The following EPHA7 variants were observed in gnomAD, a reference collection of about 807,000 sequenced individuals.
EPHA7 encodes ephrin type-A receptor 7.
Under a neutral mutation model 112.6 loss-of-function variants are expected in EPHA7, and 25 were observed. That is an observed-to-expected ratio of 0.22 (90% CI 0.16 to 0.31). The LOEUF (loss-of-function observed/expected upper bound fraction) is 0.31, where lower values mean the gene tolerates loss of function less well. EPHA7 is among the 10% of genes least tolerant of loss of function. The pLI, the probability that EPHA7 is intolerant of heterozygous loss-of-function variation, is 1.00. For synonymous variants in EPHA7, 437 were observed against 406.5 expected (o/e 1.07, Z -0.90); for missense variants, 962 against 1,212.6 (o/e 0.79, Z 3.07).
chr6:93,245,967 A>G (rs1769926888), intron 15 of EPHA7, among the ~76,000 whole-genome samples: 1 of 152,188 alleles, frequency 6.6e-6, no homozygotes, highest in Admixed American at 6.5e-5. Context: ...ATTAACATGC[A>G]TTACAATCAA....
chr6:93,387,924 CAGATAGATAGATAGATAGATAGAT>C (rs200554873), intron 3 of EPHA7, among the ~76,000 whole-genome samples: 2 of 145,566 alleles, frequency 1.4e-5, no homozygotes, highest in Non-Finnish European at 3.0e-5. Context: ...GATAGATAGA[CAGATAGATAGATAGATAGATAGAT>C]AGATAGATAG....
intron 1 of EPHA7, among the ~76,000 whole-genome samples, chr6:93,417,550 C>A (rs1779301757): frequency 6.6e-6 from 1 of 152,356 alleles, no homozygotes; most frequent in South Asian, 2.1e-4. Context: ...ATTCTGGCTG[C>A]AGGAACCTCT....
intron 3 of EPHA7, among the ~76,000 whole-genome samples, chr6:93,370,841 G>C (rs1045584669): frequency 1.3e-5 from 2 of 152,010 alleles, no homozygotes; most frequent in African/African-American, 4.8e-5. Flanking sequence ...AATATTCAGA[G>C]TGAACTCAGA....
chr6:93,300,725 T>C (rs1772937213), intron 5 of EPHA7, among the ~76,000 whole-genome samples: 1 of 152,228 alleles, frequency 6.6e-6, no homozygotes, highest in African/African-American at 2.4e-5. Context: ...AGGGGAATAT[T>C]GTTTAATTTG....
At chr6:93,245,258 T>C in intron 16 of EPHA7, 40 bp downstream of exon 16, 1 of 1,569,346 alleles carries the variant, frequency 6.4e-7, no homozygotes, top group Non-Finnish European at 8.7e-7. Flanking sequence ...AGATTGTACC[T>C]AATAAATCCT....
chr6:93,370,266 T>G (rs1210636349), intron 3 of EPHA7, among the ~76,000 whole-genome samples: 2 of 152,084 alleles, frequency 1.3e-5, no homozygotes, highest in Non-Finnish European at 2.9e-5. Flanking sequence ...AGGCAAAAAT[T>G]TAAAGAATAA....
At chr6:93,315,215 T>C (rs1245537212) in intron 5 of EPHA7, among the ~76,000 whole-genome samples, 1 of 152,174 alleles carries the variant, frequency 6.6e-6, no homozygotes, top group African/African-American at 2.4e-5. Flanking sequence ...AGTAAATATA[T>C]ATTATCAAAA....
chr6:93,306,639 C>T (rs1773271438), intron 5 of EPHA7, among the ~76,000 whole-genome samples: 1 of 151,948 alleles, frequency 6.6e-6, no homozygotes, highest in African/African-American at 2.4e-5. Context: ...CAGTTTAAGT[C>T]AGTTGCTTTC....
chr6:93,338,386 GA>G (rs1389842039), intron 5 of EPHA7, among the ~76,000 whole-genome samples: 2 of 152,014 alleles, frequency 1.3e-5, no homozygotes, highest in African/African-American at 2.4e-5. Flanking sequence ...TTAAATAAGA[GA>G]GTGACTTTCA....
chr6:93,370,629 C>T (rs1324985935), intron 3 of EPHA7, among the ~76,000 whole-genome samples: 1 of 152,036 alleles, frequency 6.6e-6, no homozygotes, highest in Non-Finnish European at 1.5e-5. Context: ...TTATTATGAG[C>T]ATAAATACAC....
intron 5 of EPHA7, among the ~76,000 whole-genome samples, chr6:93,282,936 G>A (rs1771835932): frequency 6.6e-6 from 1 of 152,180 alleles, no homozygotes; most frequent in Non-Finnish European, 1.5e-5. Flanking sequence ...GAGGAGCGCT[G>A]CCCCCTTCTC....
At chr6:93,354,810 T>C (rs1775863765) in intron 5 of EPHA7, among the ~76,000 whole-genome samples, 1 of 152,040 alleles carries the variant, frequency 6.6e-6, no homozygotes, top group African/African-American at 2.4e-5. Context: ...ATAGACATTT[T>C]AGGAACATGA....
chr6:93,407,081 G>A (rs1455607310), intron 3 of EPHA7, among the ~76,000 whole-genome samples: 4 of 151,904 alleles, frequency 2.6e-5, no homozygotes, highest in Non-Finnish European at 5.9e-5. Context: ...GACTTGAGAA[G>A]CATTTGGTTT....
chr6:93,329,617 T>C (rs1774491181), intron 5 of EPHA7, among the ~76,000 whole-genome samples: 2 of 151,494 alleles, frequency 1.3e-5, no homozygotes, highest in South Asian at 4.1e-4. Context: ...AGACATTGCT[T>C]AAAGAATACA....
At chr6:93,276,598 T>C (rs781310442) in intron 5 of EPHA7, among the ~76,000 whole-genome samples, 2 of 152,064 alleles carry the variant, frequency 1.3e-5, no homozygotes, top group Non-Finnish European at 2.9e-5. Flanking sequence ...CTGTTTGTGG[T>C]AATCTGTTAT....
chr6:93,334,238 C>T (rs544982532), intron 5 of EPHA7, among the ~76,000 whole-genome samples: 34 of 151,998 alleles, frequency 2.2e-4, no homozygotes, highest in African/African-American at 3.6e-4. Context: ...ACACCGTATA[C>T]GGAAATAAAC....
chr6:93,331,183 T>C (rs1329994562), intron 5 of EPHA7, among the ~76,000 whole-genome samples: 1 of 151,494 alleles, frequency 6.6e-6, no homozygotes, highest in Non-Finnish European at 1.5e-5. Flanking sequence ...AAGTATAAGT[T>C]ACAATATTAA....
At chr6:93,278,098 A>G (rs1309726990) in intron 5 of EPHA7, among the ~76,000 whole-genome samples, 1 of 152,022 alleles carries the variant, frequency 6.6e-6, no homozygotes, top group Non-Finnish European at 1.5e-5. Context: ...CTTCTTTTTT[A>G]TCACCAGGTA....
rs200873598 is a variant in EPHA7, at chr6:93,357,050, G to T, written c.991C>A (p.Pro331Thr). The change falls in exon 5 of 17, where the codon CCT becomes ACT. Residue 331 changes from proline to threonine, a missense_variant and splice_region_variant. Coordinates refer to ENST00000369303, the MANE Select transcript of EPHA7 (RefSeq NM_004440.4). ...ATGAGGTTCTGTGGTGCAGATGGAG[G>T]CCCTTGGGAAACCAAGAATAAATAA... ...SDPPYVACTRPPSAPQNLIFN... is the reference protein window; with the variant it reads ...SDPPYVACTRTPSAPQNLIFN... The T allele has an allele frequency of 2.5e-6, 4 of 1,591,548 alleles. No homozygotes were observed. Among genetic ancestry groups the T allele is most frequent in the Non-Finnish European group, 3.4e-6 (4 of 1,171,370 alleles).
Sources: gnomAD v4.1 joint callset for allele counts (sites outside exome capture counted in the v4.1 genomes callset) on GRCh38, gnomAD v4.1.1 for gene constraint, MANE v1.5 for transcripts, NCBI Gene and HGNC (gene_info 2026-07-23, HGNC 2026-07-21) for gene names.